CBX6: variants seen among roughly 807,000 people sequenced by gnomAD.
CBX6 encodes the protein chromobox 6.
CBX6 carries 7 observed loss-of-function variants against 28.4 expected under a neutral mutation model. The observed-to-expected ratio is 0.25, with a 90% CI of 0.14 to 0.46. The LOEUF is 0.46. Among genes scored for constraint, CBX6 ranks in the 20% least tolerant of loss-of-function variants. The probability of loss-of-function intolerance (pLI) is 0.99; values close to 1 mark genes in which losing one functional copy is unlikely to be tolerated. For synonymous variants in CBX6, 297 were observed against 273.4 expected, an observed-to-expected ratio of 1.09 and a Z score of -0.85; for missense variants, 512 against 606.1, an observed-to-expected ratio of 0.84 and a Z score of 1.63.
Position 38,866,078 on chromosome 22 carries a change from G to T in CBX6, c.*131C>A. 1 of 755,200 alleles carries T rather than the reference G, an allele frequency of 1.3e-6. No individual in the cohort carries two copies. The highest frequency in any genetic ancestry group is 2.1e-6 in the Non-Finnish European group (1 of 476,834). 46.8% of individuals were successfully genotyped at this position (755,200 alleles called of 1,614,324 possible). The stretch of plus-strand genomic sequence containing the variant: ...ACCCCAACTACCCAGCCCCATCCCT[G>T]GGTCAACACCGAGCCATTTGAGACA... On this transcript the variant is annotated 3_prime_UTR_variant, in exon 5 of 5. Transcript: ENST00000407418. This position sits in a 1 kb window ranked among gnomAD's most constrained non-coding sequence, Gnocchi z 7.5.
chr22:38,871,505 G>C lies in CBX6; in HGVS notation c.221C>G (p.Pro74Arg). ...RELYGPKKRG[P>R]KPKTFLLKAR... Reference sequence around the variant, plus strand: ...CTTCAGGAGGAAAGTTTTGGGTTTGGGTCCCCTCTTCTTGGGCCCATACAG... The same window carrying C: ...CTTCAGGAGGAAAGTTTTGGGTTTGCGTCCCCTCTTCTTGGGCCCATACAG... The change falls in exon 4 of 5, where the codon CCC (proline) becomes CGC (arginine). Residue 74 changes from proline (P) to arginine (R), a missense_variant. Pro to Arg is a moderately radical substitution (Grantham distance 103, BLOSUM62 -2). Coordinates refer to ENST00000407418, the MANE Select transcript of CBX6 (RefSeq NM_014292.5). This position sits in a 1 kb window ranked among gnomAD's most constrained non-coding sequence, Gnocchi z 5.6. 1 of 1,612,862 alleles carries C rather than the reference G, an allele frequency of 6.2e-7. No individual in the cohort carries two copies. The highest frequency in any genetic ancestry group is 2.2e-5 in the East Asian group (1 of 44,808).
In CBX6 at chr22:38,862,105, C is replaced by A. The variant is rs536047151; in HGVS notation, c.*4104G>T. On this transcript the variant is annotated 3_prime_UTR_variant, in exon 5 of 5. Coordinates refer to ENST00000407418, the MANE Select transcript of CBX6 (RefSeq NM_014292.5). ...CCGCAAGAGGGTTCCCCCATGAGAC[C>A]GTTAGTCTCTCTTTGCCTGGCTGAC... is the stretch of plus-strand genomic sequence containing the variant. The A allele has an allele frequency of 6.6e-6, 1 of 152,248 alleles. No homozygotes were observed. The highest frequency in any genetic ancestry group is 1.5e-5 in the Non-Finnish European group (1 of 68,058). 9.4% of individuals were successfully genotyped at this position (152,248 alleles called of 1,614,324 possible). A position where few individuals can be genotyped will look rare whatever the true frequency, so the allele number is the denominator to read the frequency against.
chr22:38,868,163 A>T (rs968119973), intron 4 of CBX6, among the ~76,000 whole-genome samples: 1 of 152,210 alleles, frequency 6.6e-6, no homozygotes, highest in Non-Finnish European at 1.5e-5. Context: ...GGGACTCCTA[A>T]GGCGATGTAA....
Position 38,871,361 on chromosome 22 carries a change from C to T in CBX6, c.246+119G>A, listed in dbSNP as rs762337292. ...CAACCACCCCCTGCCCAGCTGGGGCCCCTCTGAAAAGGCCGGCCCGCTTGG... is the reference window on the plus strand; with the variant it reads ...CAACCACCCCCTGCCCAGCTGGGGCTCCTCTGAAAAGGCCGGCCCGCTTGG... On this transcript the variant is annotated intron_variant, in intron 4 of 4. Transcript: ENST00000407418. The surrounding 1 kb of genome is among the most constrained non-coding windows in gnomAD (Gnocchi z 5.6). 1.0e-6 allele frequency: 1 copy of T among 982,014 alleles called. No individual in the cohort carries two copies. Among genetic ancestry groups the T allele is most frequent in the East Asian group, 2.5e-5 (1 of 40,266 alleles). The allele number at this position is 982,014 out of a possible 1,614,324, so 60.8% of individuals were successfully genotyped here.
Position 38,867,103 on chromosome 22 carries a change from G to C in CBX6, c.345C>G (p.Ala115=), listed in dbSNP as rs1251661710. The change falls in exon 5 of 5, where the codon GCC becomes GCG. Residue 115 remains alanine, a synonymous_variant. Coordinates refer to ENST00000407418, the MANE Select transcript of CBX6 (RefSeq NM_014292.5). ...ASSPKLHSSA[A]VHRLKKDIRR... ...GGATGTCCTTCTTGAGCCGGTGCAC[G>C]GCTGCGCTGGAGTGCAGCTTGGGCG... The C allele has an allele frequency of 6.3e-7, 1 of 1,593,852 alleles. No homozygotes were observed.
chr22:38,866,689 T>A lies in CBX6; in HGVS notation c.759A>T (p.Ser253=). 7.6e-7 allele frequency: 1 copy of A among 1,322,632 alleles called. No homozygotes were observed. Among genetic ancestry groups the A allele is most frequent in the Non-Finnish European group, 9.7e-7 (1 of 1,025,712 alleles). The allele number at this position is 1,322,632 out of a possible 1,614,324, so 81.9% of individuals were successfully genotyped here. A position where few individuals can be genotyped will look rare whatever the true frequency, so the allele number is the denominator to read the frequency against. Residue 253 remains serine, a synonymous_variant, in exon 5 of 5, where the codon TCA becomes TCT. Coordinates refer to ENST00000407418, the MANE Select transcript of CBX6 (RefSeq NM_014292.5). This position sits in a 1 kb window ranked among gnomAD's most constrained non-coding sequence, Gnocchi z 7.5. ...VAPSPGKAEA[S]APGPGLLLAA... is the part of the protein sequence containing the mutation. ...CCAGAAGTAGCCCAGGGCCCGGGGC[T>A]GAGGCCTCAGCCTTGCCGGGGGACG...
Position 38,872,105 on chromosome 22 carries a change from C to T in CBX6, c.69+17G>A, listed in dbSNP as rs779265846. The T allele has an allele frequency of 7.3e-6, 10 of 1,372,610 alleles. No homozygotes were observed. Among genetic ancestry groups the T allele is most frequent in the South Asian group, 4.5e-5 (3 of 66,822 alleles). 85.0% of individuals were successfully genotyped at this position (1,372,610 alleles called of 1,614,324 possible). ...CCGGCTGCGGACAGCGGCGGCCCGC[C>T]CCGGGCGGCGGCTCACCTTTCGGAT... On this transcript the variant is annotated intron_variant, in intron 1 of 4. Transcript: ENST00000407418. This position sits in a 1 kb window ranked among gnomAD's most constrained non-coding sequence, Gnocchi z 5.0.
At chr22:38,867,228 G>GGGGGGGGGCCC in intron 4 of CBX6, 27 bp from the exon 5 acceptor site, 1 of 518,862 alleles carries the variant, frequency 1.9e-6, no homozygotes. Flanking sequence ...GGGTGGGTGG[G>GGGGGGGGGCCC]ACCTCAGGAC....
Position 38,863,814 on chromosome 22 carries a change from A to T in CBX6, c.*2395T>A, listed in dbSNP as rs1001752401. 5.3e-5 allele frequency: 8 copies of T among 152,042 alleles called. No individual in the cohort carries two copies. The highest frequency in any genetic ancestry group is 1.2e-4 in the Non-Finnish European group (8 of 68,020). 9.4% of individuals were successfully genotyped at this position (152,042 alleles called of 1,614,324 possible). ...GCTTTAGGGTGACCCGTGGGGAGGGAGGTCTCCCCCATAGGGTGGCGGTGG... is the reference window on the plus strand; with the variant it reads ...GCTTTAGGGTGACCCGTGGGGAGGGTGGTCTCCCCCATAGGGTGGCGGTGG... On this transcript the variant is annotated 3_prime_UTR_variant, in exon 5 of 5. Transcript: ENST00000407418.
Position 38,864,282 on chromosome 22 carries a change from C to T in CBX6, c.*1927G>A, listed in dbSNP as rs1324445792. The stretch of plus-strand genomic sequence containing the variant: ...TTGCAAAACTAATTCTTTCACTTTC[C>T]TGTCATAAAATCACCTCTGAAAACA... On this transcript the variant is annotated 3_prime_UTR_variant, in exon 5 of 5. Coordinates refer to ENST00000407418, the MANE Select transcript of CBX6 (RefSeq NM_014292.5). 1 of 149,920 alleles carries T rather than the reference C, an allele frequency of 6.7e-6. No homozygotes were observed. Among genetic ancestry groups the T allele is most frequent in the Non-Finnish European group, 1.5e-5 (1 of 67,692 alleles). 9.3% of individuals were successfully genotyped at this position (149,920 alleles called of 1,614,324 possible).
rs778525889 is a variant in CBX6, at chr22:38,866,584, G to A, written c.864C>T (p.Pro288=). The change falls in exon 5 of 5, where the codon CCC becomes CCT. Residue 288 remains proline, a synonymous_variant. Transcript: ENST00000407418. The surrounding 1 kb of genome is among the most constrained non-coding windows in gnomAD (Gnocchi z 7.5). ...CPSPTPQSSD[P]DDTPPKLLPE... ...GGAGGAGCTTGGGGGGCGTGTCGTCGGGGTCAGAGGACTGTGGTGTAGGCG... is the reference window on the plus strand; with the variant it reads ...GGAGGAGCTTGGGGGGCGTGTCGTCAGGGTCAGAGGACTGTGGTGTAGGCG... 2.5e-6 allele frequency: 4 copies of A among 1,572,338 alleles called. No homozygotes were observed. The highest frequency in any genetic ancestry group is 1.7e-6 in the Non-Finnish European group (2 of 1,166,294).
chr22:38,868,305 G>A (rs35629347), intron 4 of CBX6, among the ~76,000 whole-genome samples: 20 of 152,200 alleles, frequency 1.3e-4, no homozygotes, highest in Non-Finnish European at 2.5e-4. Flanking sequence ...AGGACGGTGG[G>A]CAGTGGGAAT....
chr22:38,871,718 C>A lies in CBX6; in HGVS notation c.153G>T (p.Ser51=). The change falls in exon 3 of 5, where the codon TCG becomes TCT. Residue 51 remains serine, a synonymous_variant. Coordinates refer to ENST00000407418, the MANE Select transcript of CBX6 (RefSeq NM_014292.5). The surrounding 1 kb of genome is among the most constrained non-coding windows in gnomAD (Gnocchi z 5.6). ...TWEPEENILD[S]RLIAAFEQKE... Reference sequence around the variant, plus strand: ...TTTGTTCGAAGGCTGCAATGAGCCGCGAGTCCAGGATGTTCTCCTCGGGCT... The same window carrying A: ...TTTGTTCGAAGGCTGCAATGAGCCGAGAGTCCAGGATGTTCTCCTCGGGCT... The A allele has an allele frequency of 6.2e-7, 1 of 1,613,002 alleles. No individual in the cohort carries two copies. The highest frequency in any genetic ancestry group is 8.5e-7 in the Non-Finnish European group (1 of 1,179,436).
Position 38,866,874 on chromosome 22 carries a change from G to A in CBX6, c.574C>T (p.Gln192Ter). 1 of 1,600,546 alleles carries A rather than the reference G, an allele frequency of 6.2e-7. No homozygotes were observed. The highest frequency in any genetic ancestry group is 8.5e-7 in the Non-Finnish European group (1 of 1,175,030). ...DKGAGGGGAG[Q>*]GAGALARPKV... ...GGGCGGGCCAGCGCCCCGGCCCCCT[G>A]CCCGGCGCCCCCGCCGCCAGCGCCC... is the stretch of plus-strand genomic sequence containing the variant. The change falls in exon 5 of 5, where the codon CAG becomes TAG. Residue 192 changes from glutamine (Q) to a stop codon, truncating the protein, a stop_gained. Transcript: ENST00000407418. LOFTEE classifies it high-confidence loss of function. The surrounding 1 kb of genome is among the most constrained non-coding windows in gnomAD (Gnocchi z 7.5).
chr22:38,862,182 A>G lies in CBX6; in HGVS notation c.*4027T>C, dbSNP rs2093158645. 1 of 152,174 alleles carries G rather than the reference A, an allele frequency of 6.6e-6. No individual in the cohort carries two copies. Among genetic ancestry groups the G allele is most frequent in the African/African-American group, 2.4e-5 (1 of 41,436 alleles). 9.4% of individuals were successfully genotyped at this position (152,174 alleles called of 1,614,324 possible). On this transcript the variant is annotated 3_prime_UTR_variant, in exon 5 of 5. Transcript: ENST00000407418. ...CTGGAGTGAGGCACTGACTCCTCCA[A>G]AGATTGCAGGGGGCGGAGGAGGGAA...
Position 38,870,035 on chromosome 22 carries a change from C to T in CBX6, c.246+1445G>A, listed in dbSNP as rs1025900903. ...TTTCTTAGGGTCCAGATAAAAAAGT[C>T]CTACTATCTGTGTCTCTATCCCCTG... On this transcript the variant is annotated intron_variant, in intron 4 of 4. Transcript: ENST00000407418. This position sits in a 1 kb window ranked among gnomAD's most constrained non-coding sequence, Gnocchi z 4.3. 2 of 152,296 alleles carry T rather than the reference C, an allele frequency of 1.3e-5. No individual in the cohort carries two copies. Among genetic ancestry groups the T allele is most frequent in the African/African-American group, 4.8e-5 (2 of 41,436 alleles). 9.4% of individuals were successfully genotyped at this position (152,296 alleles called of 1,614,324 possible).
chr22:38,871,300 C>A lies in CBX6; in HGVS notation c.246+180G>T, dbSNP rs772998068. The A allele has an allele frequency of 1.5e-6, 1 of 671,104 alleles. No homozygotes were observed. Among genetic ancestry groups the A allele is most frequent in the Non-Finnish European group, 2.7e-6 (1 of 376,214 alleles). The allele number at this position is 671,104 out of a possible 1,614,324, so 41.6% of individuals were successfully genotyped here. A position where few individuals can be genotyped will look rare whatever the true frequency, so the allele number is the denominator to read the frequency against. On this transcript the variant is annotated intron_variant, in intron 4 of 4. Transcript: ENST00000407418. This position sits in a 1 kb window ranked among gnomAD's most constrained non-coding sequence, Gnocchi z 5.6. ...ACCCTCTTGTTGAAGCTGATGCTGG[C>A]TGAGGCCTGCCATCAGGGGCTTCTG...
chr22:38,864,041 T>G lies in CBX6; in HGVS notation c.*2168A>C, dbSNP rs905901136. ...TTGAGCAAGCACGGGTGTGGAGATC[T>G]GGGTCCAGGCCCTCTCCACAGTGCC... is the stretch of plus-strand genomic sequence containing the variant. On this transcript the variant is annotated 3_prime_UTR_variant, in exon 5 of 5. Coordinates refer to ENST00000407418, the MANE Select transcript of CBX6 (RefSeq NM_014292.5). The G allele has an allele frequency of 1.3e-5, 2 of 152,220 alleles. No individual in the cohort carries two copies. Among genetic ancestry groups the G allele is most frequent in the Admixed American group, 1.3e-4 (2 of 15,282 alleles). 9.4% of individuals were successfully genotyped at this position (152,220 alleles called of 1,614,324 possible).
At position 38,871,830 on chromosome 22, in the gene CBX6, C is replaced by A. The variant is rs1352681182; in HGVS notation, c.113+72G>T. 2 of 1,573,370 alleles carry A rather than the reference C, an allele frequency of 1.3e-6. No homozygotes were observed. The highest frequency in any genetic ancestry group is 4.5e-5 in the East Asian group (2 of 43,994). ...CAGGCACGCGGCGAGAGCAAGAGCGCGCACCCCCACCCCAGGCCCCGGTGC... is the reference window on the plus strand; with the variant it reads ...CAGGCACGCGGCGAGAGCAAGAGCGAGCACCCCCACCCCAGGCCCCGGTGC... On this transcript the variant is annotated intron_variant, in intron 2 of 4. Transcript: ENST00000407418. The surrounding 1 kb of genome is among the most constrained non-coding windows in gnomAD (Gnocchi z 5.6).
Sources: allele counts gnomAD v4.1 joint callset (sites outside exome capture counted in the v4.1 genomes callset), GRCh38; gene constraint gnomAD v4.1.1; non-coding constraint Gnocchi (gnomAD v3.1); transcripts MANE v1.5; gene names NCBI Gene and HGNC (gene_info 2026-07-23, HGNC 2026-07-21).